TAF3: variants seen among roughly 807,000 people sequenced by gnomAD.
The protein encoded by TAF3 is transcription initiation factor TFIID subunit 3.
TAF3 carries 7 observed loss-of-function variants against 80.6 expected under a neutral mutation model. That is an observed-to-expected ratio of 0.09 (90% CI 0.05 to 0.16). The LOEUF (loss-of-function observed/expected upper bound fraction) is 0.16, where lower values mean the gene tolerates loss of function less well. Ranked by LOEUF, TAF3 falls within the 10% of genes least tolerant of loss-of-function variation. The probability of loss-of-function intolerance (pLI) is 1.00; values close to 1 mark genes in which losing one functional copy is unlikely to be tolerated. For synonymous variants in TAF3, 444 were observed against 446.1 expected (o/e 1.00, Z 0.06); for missense variants, 921 against 1,140.2 (o/e 0.81, Z 2.77).
At chr10:7,993,882 T>TC (rs1370002735) in intron 4 of TAF3, among the ~76,000 whole-genome samples, 2 of 123,804 alleles carry the variant, frequency 1.6e-5, no homozygotes, top group African/African-American at 2.9e-5. Context: ...TATACAATCT[T>TC]TTTTTTTTTT....
intron 2 of TAF3, among the ~76,000 whole-genome samples, chr10:7,825,891 A>T (rs897597610): frequency 2.0e-5 from 3 of 151,972 alleles, no homozygotes; most frequent in Non-Finnish European, 4.4e-5. Flanking sequence ...ATCATATAGT[A>T]ATTGTCTATT....
At chr10:7,848,277 C>T (rs760729886) in intron 2 of TAF3, among the ~76,000 whole-genome samples, 2 of 152,140 alleles carry the variant, frequency 1.3e-5, no homozygotes, top group Admixed American at 1.3e-4. Context: ...GTGTACAGTC[C>T]TAATTATGTC....
intron 2 of TAF3, among the ~76,000 whole-genome samples, chr10:7,946,925 A>G (rs759279349): frequency 1.1e-4 from 17 of 152,130 alleles, no homozygotes; most frequent in Non-Finnish European, 1.9e-4. Context: ...TTTTAAAAAA[A>G]TAATTATTTG....
intron 3 of TAF3, among the ~76,000 whole-genome samples, chr10:7,969,728 G>A (rs1210101578): frequency 1.3e-5 from 2 of 152,214 alleles, no homozygotes; most frequent in East Asian, 3.9e-4. Context: ...GAAAGGCACA[G>A]TAGAGTTTCA....
intron 2 of TAF3, chr10:7,833,844 G>A (rs1667659109): frequency 2.6e-6 from 2 of 771,040 alleles, no homozygotes; most frequent in Non-Finnish European, 3.6e-6. Context: ...TCCCTTCCTG[G>A]GGACCGAGGG....
At chr10:7,882,710 T>C (rs1837373443) in intron 2 of TAF3, among the ~76,000 whole-genome samples, 1 of 152,182 alleles carries the variant, frequency 6.6e-6, no homozygotes, top group Non-Finnish European at 1.5e-5. Flanking sequence ...ATGAGCAAGC[T>C]TTGCAAAGTG....
rs796279577 is a variant in TAF3, at chr10:7,863,692, C to CAT, written c.409+39144_409+39145dup. On this transcript the variant is annotated intron_variant, in intron 2 of 6. Coordinates refer to ENST00000344293, the MANE Select transcript of TAF3 (RefSeq NM_031923.4). ...ACACACATATATATATATACACACA[C>CAT]ATATATATATATACACATATATATA... Among the ~76,000 whole-genome samples, 70 of 25,922 alleles carry CAT rather than the reference C, an allele frequency of 2.7e-3. 10 individuals are homozygous for CAT. Among genetic ancestry groups the CAT allele is most frequent in the African/African-American group, 8.6e-3 (55 of 6,380 alleles). 17.0% of individuals were successfully genotyped at this position (25,922 alleles called of 152,430 possible).
At chr10:8,010,413 T>C (rs2131442385) in intron 5 of TAF3, among the ~76,000 whole-genome samples, 1 of 152,316 alleles carries the variant, frequency 6.6e-6, no homozygotes, top group African/African-American at 2.4e-5. Flanking sequence ...CACATTGAAT[T>C]TCTTGATCAA....
rs1204874817 is a variant in TAF3, at chr10:7,890,640, A to G, written c.409+66080A>G. On this transcript the variant is annotated intron_variant, in intron 2 of 6. Coordinates refer to ENST00000344293, the MANE Select transcript of TAF3 (RefSeq NM_031923.4). Reference sequence around the variant, plus strand: ...ACCTTGCTTTTCTTGCATAAAACACATTCTAGCATATCATCTATGATCTCC... The same window carrying G: ...ACCTTGCTTTTCTTGCATAAAACACGTTCTAGCATATCATCTATGATCTCC... Among the ~76,000 whole-genome samples the G allele has an allele frequency of 2.0e-5, 3 of 152,244 alleles. No individual in the cohort carries two copies. The East Asian group carries it at 5.8e-4, about 29-fold the overall frequency.
chr10:7,966,335 C>G (rs1298335806), intron 3 of TAF3, among the ~76,000 whole-genome samples: 1 of 152,216 alleles, frequency 6.6e-6, no homozygotes, highest in Non-Finnish European at 1.5e-5. Flanking sequence ...CTAGGCTGAT[C>G]TGGCAGCCTG....
At chr10:7,946,640 T>C (rs749688038) in intron 2 of TAF3, among the ~76,000 whole-genome samples, 26 of 152,140 alleles carry the variant, frequency 1.7e-4, no homozygotes, top group East Asian at 5.8e-4. Context: ...GGAGGATCAC[T>C]TGGACCCAGG....
At chr10:7,843,992 A>G (rs1588520998) in intron 2 of TAF3, among the ~76,000 whole-genome samples, 1 of 152,330 alleles carries the variant, frequency 6.6e-6, no homozygotes, top group East Asian at 1.9e-4. Context: ...ATATCCAATT[A>G]AATGTCAAAG....
At chr10:7,909,199 T>G (rs914842728) in intron 2 of TAF3, among the ~76,000 whole-genome samples, 7 of 152,250 alleles carry the variant, frequency 4.6e-5, no homozygotes, top group Non-Finnish European at 5.9e-5. Context: ...TGCAGGTTCA[T>G]AACCCATTCT....
At chr10:7,961,639 A>G (rs1425338715) in intron 2 of TAF3, among the ~76,000 whole-genome samples, 1 of 151,976 alleles carries the variant, frequency 6.6e-6, no homozygotes, top group African/African-American at 2.4e-5. Flanking sequence ...GACTTTAGTT[A>G]TCTCAACAAC....
intron 5 of TAF3, among the ~76,000 whole-genome samples, chr10:8,010,296 T>TGC (rs1231745252): frequency 1.3e-5 from 2 of 152,226 alleles, no homozygotes; most frequent in Admixed American, 1.3e-4. Flanking sequence ...TCAGCCTCCA[T>TGC]AAATCATATC....
At chr10:7,977,375 C>G in intron 4 of TAF3, 52 bp downstream of exon 4, 3 of 1,552,746 alleles carry the variant, frequency 1.9e-6, no homozygotes, top group Non-Finnish European at 2.7e-6. Flanking sequence ...TTAACCTTCT[C>G]TACTCTTTCC....
chr10:7,933,919 TCA>T (rs1411164790), intron 2 of TAF3, among the ~76,000 whole-genome samples: 2 of 152,198 alleles, frequency 1.3e-5, no homozygotes, highest in Non-Finnish European at 2.9e-5. Context: ...CAGATGCATC[TCA>T]CAGTCACTGC....
At chr10:7,924,740 A>AC (rs1307326953) in intron 2 of TAF3, among the ~76,000 whole-genome samples, 2 of 151,932 alleles carry the variant, frequency 1.3e-5, no homozygotes, top group Non-Finnish European at 2.9e-5. Context: ...CCCCAACAGA[A>AC]CACTATCTGT....
intron 2 of TAF3, among the ~76,000 whole-genome samples, chr10:7,826,842 C>A (rs1297949519): frequency 6.6e-6 from 1 of 152,076 alleles, no homozygotes; most frequent in Non-Finnish European, 1.5e-5. Flanking sequence ...CATTTACAAT[C>A]TGAAATATTT....
Sources: allele counts gnomAD v4.1 joint callset (sites outside exome capture counted in the v4.1 genomes callset), GRCh38; gene constraint gnomAD v4.1.1; transcripts MANE v1.5; gene names NCBI Gene and HGNC (gene_info 2026-07-23, HGNC 2026-07-21).